Variants in BCL11A observed in about 807,000 individuals in gnomAD.
BCL11A encodes the protein BCL11 transcription factor A.
Under a neutral mutation model 55.9 loss-of-function variants are expected in BCL11A, and 2 were observed. The ratio of observed to expected loss-of-function variants is 0.04; its 90% CI spans 0.01 to 0.11. The LOEUF is 0.11. BCL11A is among the 10% of genes least tolerant of loss of function. The probability of loss-of-function intolerance (pLI) is 1.00; values close to 1 mark genes in which losing one functional copy is unlikely to be tolerated. For synonymous variants in BCL11A, 465 were observed against 473.4 expected, an observed-to-expected ratio of 0.98 and a Z score of 0.23; for missense variants, 817 against 1,137.1, an observed-to-expected ratio of 0.72 and a Z score of 4.05.
At chr2:60,526,665 G>A (rs1044116050) in intron 2 of BCL11A, 1 of 152,226 alleles carries the variant, frequency 6.6e-6, no homozygotes, top group Admixed American at 6.5e-5. Flanking sequence ...ACAATACCAA[G>A]CCTTCAAGTG....
chr2:60,452,654 G>A (rs1405956123), downstream of BCL11A: 1 of 1,613,440 alleles, frequency 6.2e-7, no homozygotes, highest in Non-Finnish European at 8.5e-7. Flanking sequence ...CCGAATGGGG[G>A]TGTGTGAAGA....
At chr2:60,531,374 T>A (rs2104635863) in intron 2 of BCL11A, among the ~76,000 whole-genome samples, 1 of 152,354 alleles carries the variant, frequency 6.6e-6, no homozygotes, top group East Asian at 1.9e-4. Context: ...AAGTGAGTTT[T>A]GTTTTAAATC....
At chr2:60,486,421 A>C (rs1309623404) in intron 2 of BCL11A, among the ~76,000 whole-genome samples, 2 of 152,206 alleles carry the variant, frequency 1.3e-5, no homozygotes, top group Non-Finnish European at 2.9e-5. Context: ...TTAAGTACTG[A>C]AGTGAGAAAT....
intron 2 of BCL11A, among the ~76,000 whole-genome samples, chr2:60,476,814 T>A (rs914666518): frequency 3.3e-5 from 5 of 152,218 alleles, no homozygotes; most frequent in African/African-American, 4.8e-5. Flanking sequence ...AAAGAAACCC[T>A]GTGGTGAAAC....
chr2:60,537,792 G>A (rs1669735860), intron 2 of BCL11A: 1 of 152,206 alleles, frequency 6.6e-6, no homozygotes, highest in African/African-American at 2.4e-5. Flanking sequence ...AGTTCAAAAA[G>A]CAAATAGAAA....
chr2:60,460,876 G>T lies in BCL11A; in HGVS notation c.2036C>A (p.Ser679Tyr). 1 of 1,613,288 alleles carries T rather than the reference G, an allele frequency of 6.2e-7. No homozygotes were observed. Among genetic ancestry groups the T allele is most frequent in the Non-Finnish European group, 8.5e-7 (1 of 1,180,036 alleles). The change falls in exon 4 of 4, where the codon TCC (serine) becomes TAC (tyrosine). Residue 679 changes from serine (S) to tyrosine (Y), a missense_variant. Ser to Tyr is a moderately radical substitution (Grantham distance 144). This residue lies in a region of BCL11A where 379 missense variants were observed against 425.3 expected (regional missense o/e 0.89). Coordinates refer to ENST00000642384, the MANE Select transcript of BCL11A (RefSeq NM_022893.4). ...CGAGGAGGCAAAAGGCGATTGTCTGGAGTCTCCGAAGCTAAGGAAGGGATC... is the reference window on the plus strand; with the variant it reads ...CGAGGAGGCAAAAGGCGATTGTCTGTAGTCTCCGAAGCTAAGGAAGGGATC... ...LKDPFLSFGD[S>Y]RQSPFASSSE... is the part of the protein sequence containing the mutation.
At chr2:60,534,778 G>A (rs1252852872) in intron 2 of BCL11A, 1 of 152,218 alleles carries the variant, frequency 6.6e-6, no homozygotes. Context: ...GAGCCACTGA[G>A]GCAGCTAATA....
At chr2:60,477,995 C>T (rs1434913898) in intron 2 of BCL11A, among the ~76,000 whole-genome samples, 1 of 150,300 alleles carries the variant, frequency 6.7e-6, no homozygotes, top group Non-Finnish European at 1.5e-5. Context: ...CATGGTCTCA[C>T]TCTGTTGCCC....
chr2:60,503,932 G>A (rs1573020195), intron 2 of BCL11A, among the ~76,000 whole-genome samples: 1 of 152,062 alleles, frequency 6.6e-6, no homozygotes, highest in Non-Finnish European at 1.5e-5. Flanking sequence ...AAAAAAGAAA[G>A]CAAGAAATGC....
chr2:60,475,339 C>T (rs1677530732), intron 2 of BCL11A, among the ~76,000 whole-genome samples: 1 of 152,188 alleles, frequency 6.6e-6, no homozygotes, highest in African/African-American at 2.4e-5. Context: ...TTCATCTGTT[C>T]TGTTTTCCCC....
intron 3 of BCL11A, among the ~76,000 whole-genome samples, chr2:60,467,992 A>G (rs942894794): frequency 0.02 from 65 of 3,314 alleles, no homozygotes; most frequent in South Asian, 0.051. Context: ...TGGTGGTGGT[A>G]ATGGTGGTGG....
At chr2:60,542,174 T>A (rs950719580) in intron 2 of BCL11A, 19 of 321,350 alleles carry the variant, frequency 5.9e-5, no homozygotes, top group Non-Finnish European at 9.7e-5. Flanking sequence ...AGAAAAAATG[T>A]TATATATCAA....
chr2:60,481,413 T>G (rs1167904041), intron 2 of BCL11A, among the ~76,000 whole-genome samples: 2 of 152,140 alleles, frequency 1.3e-5, no homozygotes, highest in East Asian at 3.9e-4. Flanking sequence ...CCTTCGCACC[T>G]CTGCTTTGCG....
At position 60,458,332 on chromosome 2, in the gene BCL11A, C is replaced by A; in HGVS notation, c.*2072G>T. 9.8e-7 allele frequency: 1 copy of A among 1,024,954 alleles called. No individual in the cohort carries two copies. The highest frequency in any genetic ancestry group is 1.2e-6 in the Non-Finnish European group (1 of 854,110). 63.5% of individuals were successfully genotyped at this position (1,024,954 alleles called of 1,614,324 possible). Reference sequence around the variant, plus strand: ...TATCCAAGGCATAGAATTTCCACTACCATTTTTAAATGGATAACAAGTCTT... The same window carrying A: ...TATCCAAGGCATAGAATTTCCACTAACATTTTTAAATGGATAACAAGTCTT... On this transcript the variant is annotated 3_prime_UTR_variant, in exon 4 of 4. Transcript: ENST00000642384.
chr2:60,510,617 C>A (rs1341083612), intron 2 of BCL11A, among the ~76,000 whole-genome samples: 5 of 152,182 alleles, frequency 3.3e-5, no homozygotes, highest in Non-Finnish European at 4.4e-5. Flanking sequence ...AAAGGGGGTG[C>A]CACAAGAGCA....
intron 2 of BCL11A, among the ~76,000 whole-genome samples, chr2:60,478,498 G>GT (rs1677762452): frequency 6.6e-6 from 1 of 152,240 alleles, no homozygotes; most frequent in Non-Finnish European, 1.5e-5. Context: ...CAGGGGAAGC[G>GT]TGGAAGGCAC....
intron 2 of BCL11A, among the ~76,000 whole-genome samples, chr2:60,487,465 G>A (rs1678347334): frequency 6.6e-6 from 1 of 152,088 alleles, no homozygotes; most frequent in Non-Finnish European, 1.5e-5. Context: ...ATCTTCCCTT[G>A]GGATCCTTCT....
chr2:60,466,010 C>T (rs528478416), intron 3 of BCL11A, among the ~76,000 whole-genome samples: 3 of 152,252 alleles, frequency 2.0e-5, no homozygotes, highest in South Asian at 2.1e-4. Context: ...AGGTTAATGC[C>T]GCCAAGTGGA....
intron 2 of BCL11A, among the ~76,000 whole-genome samples, chr2:60,493,770 C>T (rs1678786983): frequency 6.6e-6 from 1 of 152,208 alleles, no homozygotes; most frequent in Admixed American, 6.5e-5. Flanking sequence ...TCACACAACA[C>T]TCCAGGGAGG....
Sources: allele counts gnomAD v4.1 joint callset (sites outside exome capture counted in the v4.1 genomes callset), GRCh38; gene constraint gnomAD v4.1.1; regional missense constraint gnomAD v4.1.1; transcripts MANE v1.5; gene names NCBI Gene and HGNC (gene_info 2026-07-23, HGNC 2026-07-21).